The following KIF6 variants were observed in gnomAD, a reference collection of about 807,000 sequenced individuals.
The protein encoded by KIF6 is kinesin family member 6, also known as kinesin-like protein KIF6.
A neutral mutation model predicts 112.7 loss-of-function variants in KIF6; 106 were observed. The ratio of observed to expected loss-of-function variants is 0.94; its 90% CI spans 0.80 to 1.11. The LOEUF is 1.11. Among genes scored for constraint, KIF6 ranks in the 50% least tolerant of loss-of-function variants. The pLI is 0.00. For missense variants in KIF6, 929 were observed against 964.0 expected (o/e 0.96, Z 0.48); for synonymous variants, 339 against 339.9 (o/e 1.00, Z 0.03).
At chr6:39,443,136 A>AATAATC in intron 13 of KIF6, among the ~76,000 whole-genome samples, 1 of 140,514 alleles carries the variant, frequency 7.1e-6, no homozygotes, top group South Asian at 2.2e-4. Context: ...TAATAATAAT[A>AATAATC]ATAATAATAA....
At chr6:39,337,202 T>TC (rs1763046853) in intron 22 of KIF6, among the ~76,000 whole-genome samples, 1 of 107,520 alleles carries the variant, frequency 9.3e-6, no homozygotes, top group East Asian at 2.3e-4. Flanking sequence ...TTTCTTTCTT[T>TC]CTTTCTTTCT....
intron 13 of KIF6, among the ~76,000 whole-genome samples, chr6:39,516,542 G>A (rs1363668963): frequency 2.7e-5 from 4 of 150,296 alleles, no homozygotes; most frequent in Admixed American, 2.0e-4. Flanking sequence ...AATAAATAAA[G>A]GAAATGATCT....
chr6:39,516,104 C>T (rs1777069506), intron 13 of KIF6, among the ~76,000 whole-genome samples: 1 of 152,022 alleles, frequency 6.6e-6, no homozygotes, highest in Non-Finnish European at 1.5e-5. Flanking sequence ...GGCAAATATT[C>T]CCAAAATCTG....
At chr6:39,490,401 G>A (rs1775407856) in intron 13 of KIF6, among the ~76,000 whole-genome samples, 1 of 152,214 alleles carries the variant, frequency 6.6e-6, no homozygotes, top group Non-Finnish European at 1.5e-5. Flanking sequence ...AGTGAGATAG[G>A]AATGCTACCG....
intron 10 of KIF6, among the ~76,000 whole-genome samples, chr6:39,552,354 T>G (rs772509544): frequency 4.6e-5 from 7 of 152,202 alleles, no homozygotes; most frequent in Non-Finnish European, 7.4e-5. Context: ...TCATTCAATA[T>G]CCATTAAAAC....
intron 13 of KIF6, among the ~76,000 whole-genome samples, chr6:39,457,626 A>G (rs966941723): frequency 1.2e-4 from 18 of 152,262 alleles, no homozygotes; most frequent in African/African-American, 4.1e-4. Flanking sequence ...AACGCTAGCA[A>G]GACTAATAAA....
At chr6:39,659,213 A>G (rs142296976) in intron 3 of KIF6, among the ~76,000 whole-genome samples, 36 of 152,272 alleles carry the variant, frequency 2.4e-4, no homozygotes, top group Non-Finnish European at 4.6e-4. Flanking sequence ...CCAATTCTTT[A>G]TGTATTTTAT....
intron 3 of KIF6, among the ~76,000 whole-genome samples, chr6:39,698,542 T>G (rs1480024438): frequency 1.3e-5 from 2 of 152,216 alleles, no homozygotes; most frequent in Non-Finnish European, 2.9e-5. Flanking sequence ...GAAGAATATT[T>G]TATTTATGAA....
At position 39,557,899 on chromosome 6, in the gene KIF6, T is replaced by A. The variant is rs1236118477; in HGVS notation, c.1182-12211A>T. Among the ~76,000 whole-genome samples, 4 of 151,062 alleles carry A rather than the reference T, an allele frequency of 2.6e-5. No individual in the cohort carries two copies. The East Asian group carries it at 7.7e-4, about 29-fold the overall frequency. ...AATTTTGAAGGATTACAACCAGTAA[T>A]AATACTTGTTATCTTTGGTGAAATC... On this transcript the variant is annotated intron_variant, in intron 10 of 22. Transcript: ENST00000287152.
chr6:39,605,764 C>G (rs73424564), intron 6 of KIF6, among the ~76,000 whole-genome samples: 2,100 of 152,172 alleles, frequency 0.014, 48 homozygotes, highest in African/African-American at 0.048. Context: ...GCATAACAAC[C>G]TATTTTATTT....
chr6:39,644,729 A>T (rs1785078931), intron 3 of KIF6, among the ~76,000 whole-genome samples: 1 of 152,174 alleles, frequency 6.6e-6, no homozygotes, highest in Admixed American at 6.5e-5. Context: ...AAAAGGTTTC[A>T]AAATTAAATA....
intron 19 of KIF6, among the ~76,000 whole-genome samples, chr6:39,347,291 C>G (rs11751122): frequency 2.6e-5 from 4 of 152,182 alleles, no homozygotes; most frequent in Non-Finnish European, 5.9e-5. Flanking sequence ...TAGGAACACA[C>G]GCTGGCCTAC....
At chr6:39,484,818 C>CATA (rs1775022130) in intron 13 of KIF6, among the ~76,000 whole-genome samples, 1 of 152,158 alleles carries the variant, frequency 6.6e-6, no homozygotes, top group Non-Finnish European at 1.5e-5. Context: ...ATGGGCCAGG[C>CATA]TGTGGTGCAG....
chr6:39,377,905 T>C (rs927282298), intron 16 of KIF6, among the ~76,000 whole-genome samples: 2 of 152,028 alleles, frequency 1.3e-5, no homozygotes, highest in Non-Finnish European at 2.9e-5. Context: ...TCTTTGTTCC[T>C]GGGGCAGTGA....
At chr6:39,654,922 C>T (rs1785684719) in intron 3 of KIF6, among the ~76,000 whole-genome samples, 1 of 152,156 alleles carries the variant, frequency 6.6e-6, no homozygotes, top group Admixed American at 6.6e-5. Flanking sequence ...TGATGAACAA[C>T]TGGATCCTTT....
chr6:39,492,974 C>G (rs1775558581), intron 13 of KIF6, among the ~76,000 whole-genome samples: 1 of 152,206 alleles, frequency 6.6e-6, no homozygotes, highest in South Asian at 2.1e-4. Context: ...CTCCATGAAG[C>G]TGACTGCTTC....
At chr6:39,643,676 A>G (rs1785020900) in intron 3 of KIF6, among the ~76,000 whole-genome samples, 1 of 152,172 alleles carries the variant, frequency 6.6e-6, no homozygotes, top group Non-Finnish European at 1.5e-5. Context: ...TTAACTCAAA[A>G]CGAATCACAG....
At chr6:39,609,423 T>C (rs1783083411) in intron 6 of KIF6, among the ~76,000 whole-genome samples, 1 of 152,092 alleles carries the variant, frequency 6.6e-6, no homozygotes, top group African/African-American at 2.4e-5. Flanking sequence ...CTACACCAGG[T>C]AATACCTATA....
chr6:39,553,212 C>T (rs571361857), intron 10 of KIF6, among the ~76,000 whole-genome samples: 18 of 152,138 alleles, frequency 1.2e-4, no homozygotes, highest in Non-Finnish European at 2.2e-4. Context: ...GTCAGCAACT[C>T]TGTTGGAATG....
Sources: gnomAD v4.1 joint callset for allele counts (sites outside exome capture counted in the v4.1 genomes callset) on GRCh38, gnomAD v4.1.1 for gene constraint, MANE v1.5 for transcripts, NCBI Gene and HGNC (gene_info 2026-07-23, HGNC 2026-07-21) for gene names.